PC: variants seen among roughly 807,000 people sequenced by gnomAD.
PC encodes pyruvate carboxylase, mitochondrial.
PC carries 46 observed loss-of-function variants against 107.8 expected under a neutral mutation model. That is an observed-to-expected ratio of 0.43 (90% CI 0.34 to 0.55). The LOEUF is 0.55. Among genes scored for constraint, PC ranks in the 20% least tolerant of loss-of-function variants. The pLI is 0.04. For synonymous variants in PC, 662 were observed against 684.7 expected (o/e 0.97, Z 0.52); for missense variants, 1,241 against 1,643.1 (o/e 0.76, Z 4.23).
At position 66,863,921 on chromosome 11, in the gene PC, C is replaced by T. The variant is rs771046930; in HGVS notation, c.1221G>A (p.Leu407=). The part of the protein sequence containing the change: ...FRSGEGMGIR[L]DNASAFQGAV... Reference sequence around the variant, plus strand: ...CTCCTTGGAAGGCGGAAGCATTATCCAGGCGGATGCCCATGCCCTCTCCGC... The same window carrying T: ...CTCCTTGGAAGGCGGAAGCATTATCTAGGCGGATGCCCATGCCCTCTCCGC... The change falls in exon 12 of 23, where the codon CTG becomes CTA. Residue 407 remains leucine (L), a synonymous_variant. Transcript: ENST00000393960. 8 of 1,613,908 alleles carry T rather than the reference C, an allele frequency of 5.0e-6. No homozygotes were observed. The highest frequency in any genetic ancestry group is 2.2e-5 in the East Asian group (1 of 44,884).
chr11:66,869,730 C>T (rs1946647490), intron 9 of PC, among the ~76,000 whole-genome samples: 1 of 152,168 alleles, frequency 6.6e-6, no homozygotes, highest in Non-Finnish European at 1.5e-5. Flanking sequence ...CCGCTGCACA[C>T]CTGGCCACAG....
intron 3 of PC, chr11:66,919,833 A>G (rs181163861): frequency 2.7e-4 from 41 of 152,344 alleles, no homozygotes; most frequent in African/African-American, 8.9e-4. Context: ...ATTAAAAATA[A>G]AAACAAAAAC....
Position 66,852,626 on chromosome 11 carries a change from C to A in PC, c.1638G>T (p.Leu546=), listed in dbSNP as rs757659906. Residue 546 remains leucine (L), a synonymous_variant, in exon 15 of 23, where the codon CTG becomes CTT. Transcript: ENST00000393960. The surrounding 1 kb of genome is among the most constrained non-coding windows in gnomAD (Gnocchi z 4.7). ...PPPAGFRDIL[L]REGPEGFARA... is the part of the protein sequence containing the mutation. ...GAGCAAAGCCCTCAGGCCCCTCTCG[C>A]AGCAGGATGTCTCTGAAACCAGCCG... is the stretch of plus-strand genomic sequence containing the variant. 6.2e-7 allele frequency: 1 copy of A among 1,613,870 alleles called. No individual in the cohort carries two copies. Among genetic ancestry groups the A allele is most frequent in the Non-Finnish European group, 8.5e-7 (1 of 1,179,862 alleles).
rs780076825 is a variant in PC at position 66,852,655 on chromosome 11, G to T, written c.1609C>A (p.Pro537Thr). 6.2e-7 allele frequency: 1 copy of T among 1,613,756 alleles called. No individual in the cohort carries two copies. The highest frequency in any genetic ancestry group is 1.7e-5 in the Admixed American group (1 of 60,008). Residue 537 changes from proline to threonine, a missense_variant, in exon 15 of 23, where the codon CCC becomes ACC. Transcript: ENST00000393960. The surrounding 1 kb of genome is among the most constrained non-coding windows in gnomAD (Gnocchi z 4.7). ...PVVPAVPIGP[P>T]PAGFRDILLR... The stretch of plus-strand genomic sequence containing the variant: ...AGGATGTCTCTGAAACCAGCCGGGG[G>T]CGGGCCTAGGGTAGACAGGGGCATT...
rs1948472779 is a variant in PC, at chr11:66,916,793, A to C, written c.-1+35637T>G. 3.3e-5 allele frequency among the ~76,000 whole-genome samples: 5 copies of C among 151,830 alleles called. No individual in the cohort carries two copies. In the South Asian group the frequency reaches 1.0e-3, roughly 32 times the overall value. ...CACGGTGAAACCCCGTCTCTACTAA[A>C]AATACAAAAAATTATCCGGGCGTGG... On this transcript the variant is annotated intron_variant, in intron 3 of 22. Transcript: ENST00000393960.
chr11:66,897,521 G>C (rs1225175824), intron 3 of PC, among the ~76,000 whole-genome samples: 3 of 152,156 alleles, frequency 2.0e-5, no homozygotes, highest in African/African-American at 7.2e-5. Context: ...GCAGTAAGCA[G>C]AGATTATGCC....
At chr11:66,914,095 G>T (rs1305254089) in intron 3 of PC, among the ~76,000 whole-genome samples, 1 of 152,180 alleles carries the variant, frequency 6.6e-6, no homozygotes, top group Non-Finnish European at 1.5e-5. Flanking sequence ...AAACACTTCG[G>T]TAAGTCAGCA....
At chr11:66,849,426 C>T in intron 21 of PC, 56 bp from the exon 22 acceptor site, 1 of 1,609,094 alleles carries the variant, frequency 6.2e-7, no homozygotes, top group South Asian at 1.1e-5. Flanking sequence ...GAGCAGTCCC[C>T]CGGCCCTGGC....
intron 3 of PC, among the ~76,000 whole-genome samples, chr11:66,918,691 C>T (rs552119395): frequency 2.6e-5 from 4 of 152,068 alleles, no homozygotes; most frequent in Admixed American, 2.6e-4. Flanking sequence ...TCTACTTCTG[C>T]CATTCTCTTT....
intron 3 of PC, among the ~76,000 whole-genome samples, chr11:66,876,035 G>C (rs911180780): frequency 6.6e-6 from 1 of 152,212 alleles, no homozygotes; most frequent in African/African-American, 2.4e-5. Flanking sequence ...AAGGTCGTGA[G>C]AGACAAAGAC....
chr11:66,866,449 A>G lies in PC; in HGVS notation c.1023-100T>C. The G allele has an allele frequency of 1.2e-6, 1 of 851,770 alleles. No homozygotes were observed. Among genetic ancestry groups the G allele is most frequent in the Non-Finnish European group, 1.9e-6 (1 of 532,756 alleles). The allele number at this position is 851,770 out of a possible 1,614,324, so 52.8% of individuals were successfully genotyped here. ...ACCGCAGCCAGTGGGGCGTCCACAC[A>G]CAGTGCGACTCCTGCCCATAGGCTC... On this transcript the variant is annotated intron_variant, in intron 10 of 22. Coordinates refer to ENST00000393960, the MANE Select transcript of PC (RefSeq NM_001040716.2). The surrounding 1 kb of genome is among the most constrained non-coding windows in gnomAD (Gnocchi z 5.4).
At chr11:66,921,452 GA>G (rs1357542022) in intron 3 of PC, among the ~76,000 whole-genome samples, 2 of 152,160 alleles carry the variant, frequency 1.3e-5, no homozygotes, top group Non-Finnish European at 2.9e-5. Context: ...ACTGGGGTAG[GA>G]AAAATAAAAG....
Position 66,945,369 on chromosome 11 carries a change from T to C in PC, c.-1+7061A>G, listed in dbSNP as rs1453048657. On this transcript the variant is annotated intron_variant, in intron 3 of 22. Transcript: ENST00000393960. ...GTTCCACCTATTTTTGTGGCCATAC[T>C]GCATAACAAAAAGGAAGCCTTAAAT... 2.1e-5 allele frequency among the ~76,000 whole-genome samples: 2 copies of C among 97,152 alleles called. 1 individual carries two copies. The highest frequency in any genetic ancestry group is 4.3e-5 in the Non-Finnish European group (2 of 46,500). The allele number at this position is 97,152 out of a possible 152,430, so 63.7% of individuals were successfully genotyped here.
At chr11:66,914,164 G>A (rs1948411118) in intron 3 of PC, among the ~76,000 whole-genome samples, 2 of 152,108 alleles carry the variant, frequency 1.3e-5, no homozygotes, top group Admixed American at 6.5e-5. Context: ...TTTTTACAAT[G>A]TATTCCTGCC....
intron 3 of PC, among the ~76,000 whole-genome samples, chr11:66,882,926 G>A (rs149413792): frequency 6.6e-6 from 1 of 152,212 alleles, no homozygotes; most frequent in Admixed American, 6.5e-5. Context: ...TTCTGGGCAG[G>A]GGGGGCAGAA....
Position 66,870,267 on chromosome 11 carries a change from G to A in PC, c.903+35C>T, listed in dbSNP as rs1453872089. The stretch of plus-strand genomic sequence containing the variant: ...TGAGGCCTGCCGGCCTGTGAGCACA[G>A]GCTCCTGTCCCAACACGGGAAGCCC... On this transcript the variant is annotated intron_variant, in intron 9 of 22. Transcript: ENST00000393960. The surrounding 1 kb of genome is among the most constrained non-coding windows in gnomAD (Gnocchi z 6.1). The A allele has an allele frequency of 1.9e-6, 3 of 1,610,488 alleles. No individual in the cohort carries two copies. The highest frequency in any genetic ancestry group is 2.5e-6 in the Non-Finnish European group (3 of 1,179,814).
chr11:66,904,890 G>A (rs183581376), intron 3 of PC, among the ~76,000 whole-genome samples: 3 of 152,306 alleles, frequency 2.0e-5, no homozygotes, highest in African/African-American at 7.2e-5. Context: ...CTCTACCTCT[G>A]GACCTGTTAG....
intron 2 of PC, among the ~76,000 whole-genome samples, chr11:66,953,879 T>G (rs761974437): frequency 2.0e-5 from 3 of 152,198 alleles, no homozygotes; most frequent in Non-Finnish European, 4.4e-5. Context: ...TGAGAGTCCG[T>G]CATTTGTAAG....
At chr11:66,875,741 C>T (rs1946952702) in intron 3 of PC, among the ~76,000 whole-genome samples, 1 of 152,126 alleles carries the variant, frequency 6.6e-6, no homozygotes, top group African/African-American at 2.4e-5. Flanking sequence ...AGGTCACACC[C>T]GGCTATGGTG....
Sources: gnomAD v4.1 joint callset for allele counts (sites outside exome capture counted in the v4.1 genomes callset) on GRCh38, gnomAD v4.1.1 for gene constraint, Gnocchi (gnomAD v3.1) non-coding constraint, MANE v1.5 for transcripts, NCBI Gene and HGNC (gene_info 2026-07-23, HGNC 2026-07-21) for gene names.